Variants in PLA2G4E observed in about 807,000 individuals in gnomAD.
PLA2G4E encodes the protein phospholipase A2 group IVE.
In PLA2G4E, 84 loss-of-function variants were observed where a neutral mutation model predicts 109.1. The ratio of observed to expected loss-of-function variants is 0.77; its 90% CI spans 0.65 to 0.92. PLA2G4E has a LOEUF of 0.92. PLA2G4E is among the 40% of genes least tolerant of loss of function. The probability of loss-of-function intolerance (pLI) is 0.00; values close to 1 mark genes in which losing one functional copy is unlikely to be tolerated. For synonymous variants in PLA2G4E, 469 were observed against 436.1 expected, an observed-to-expected ratio of 1.08 and a Z score of -0.94; for missense variants, 1,057 against 1,076.6, an observed-to-expected ratio of 0.98 and a Z score of 0.25.
At chr15:42,009,419 T>A (rs888697402) in intron 2 of PLA2G4E, among the ~76,000 whole-genome samples, 1 of 152,168 alleles carries the variant, frequency 6.6e-6, no homozygotes, top group Non-Finnish European at 1.5e-5. Context: ...AGGCTTCCCA[T>A]CTCCTGTCTT....
chr15:42,048,350 A>G (rs1372750441), intron 1 of PLA2G4E, among the ~76,000 whole-genome samples: 2 of 152,266 alleles, frequency 1.3e-5, no homozygotes, highest in Non-Finnish European at 2.9e-5. Flanking sequence ...GTTGTTAAGC[A>G]ACACATGACT....
intron 1 of PLA2G4E, among the ~76,000 whole-genome samples, chr15:42,038,231 C>T (rs1375629205): frequency 6.6e-6 from 1 of 152,144 alleles, no homozygotes; most frequent in Admixed American, 6.5e-5. Flanking sequence ...TGGTCCCCAA[C>T]GTTTTGGCAC....
chr15:42,043,973 G>A (rs534583016), intron 1 of PLA2G4E, among the ~76,000 whole-genome samples: 2 of 152,274 alleles, frequency 1.3e-5, no homozygotes, highest in East Asian at 1.9e-4. Flanking sequence ...AGAACTAACC[G>A]TAAGTGTACT....
chr15:42,006,766 G>A (rs1434987376), intron 3 of PLA2G4E, among the ~76,000 whole-genome samples: 1 of 152,132 alleles, frequency 6.6e-6, no homozygotes, highest in Non-Finnish European at 1.5e-5. Flanking sequence ...AGGATCCTGG[G>A]GGATGTGGGT....
intron 3 of PLA2G4E, among the ~76,000 whole-genome samples, 178 bp downstream of exon 3, chr15:42,007,551 A>T (rs2068488863): frequency 6.6e-6 from 1 of 152,194 alleles, no homozygotes; most frequent in African/African-American, 2.4e-5. Flanking sequence ...AGAGGGGCAA[A>T]CATGAGACAG....
intron 9 of PLA2G4E, 59 bp from the exon 10 acceptor site, chr15:41,999,620 A>G: frequency 6.3e-7 from 1 of 1,590,808 alleles, no homozygotes; most frequent in Non-Finnish European, 8.6e-7. Context: ...AAGTGATCCC[A>G]GATCCACACT....
intron 6 of PLA2G4E, among the ~76,000 whole-genome samples, chr15:42,002,283 AAAAAG>A: frequency 6.6e-6 from 1 of 150,444 alleles, no homozygotes; most frequent in African/African-American, 2.5e-5. Flanking sequence ...AAAAAAAAAA[AAAAAG>A]GTAAACTGTG....
exon 13 of PLA2G4E, chr15:41,992,939 C>G (rs376094640): frequency 6.2e-7 from 1 of 1,612,732 alleles, no homozygotes; most frequent in African/African-American, 1.3e-5. Context: ...GTCAGGGTCA[C>G]GGTACAAGGT....
chr15:42,001,262 G>A, intron 6 of PLA2G4E, 42 bp from the exon 7 acceptor site: 1 of 1,545,042 alleles, frequency 6.5e-7, no homozygotes. Context: ...CTGAGCACCA[G>A]CCACCTCCTT....
chr15:42,026,982 A>G (rs1246599439), intron 1 of PLA2G4E, among the ~76,000 whole-genome samples: 45 of 151,312 alleles, frequency 3.0e-4, no homozygotes, highest in East Asian at 1.4e-3. Context: ...CAAAAAAAAA[A>G]AAAGAAAGAA....
chr15:42,021,175 T>A (rs1279698815), intron 1 of PLA2G4E, among the ~76,000 whole-genome samples, 133 bp from the exon 1 acceptor site: 1 of 151,598 alleles, frequency 6.6e-6, no homozygotes, highest in Non-Finnish European at 1.5e-5. Context: ...TGGGCCTAGA[T>A]CTCTTCATAT....
At chr15:42,040,656 T>C (rs1223335002) in intron 1 of PLA2G4E, among the ~76,000 whole-genome samples, 1 of 152,254 alleles carries the variant, frequency 6.6e-6, no homozygotes, top group Non-Finnish European at 1.5e-5. Context: ...CTAAAATCTC[T>C]TTCACATAAA....
chr15:42,029,027 G>A (rs538812826), intron 1 of PLA2G4E, among the ~76,000 whole-genome samples: 1 of 152,222 alleles, frequency 6.6e-6, no homozygotes, highest in African/African-American at 2.4e-5. Flanking sequence ...AATGTATCTG[G>A]CTCATGAATA....
At chr15:42,029,779 A>C (rs1043407553) in intron 1 of PLA2G4E, among the ~76,000 whole-genome samples, 4 of 152,200 alleles carry the variant, frequency 2.6e-5, no homozygotes, top group African/African-American at 9.7e-5. Flanking sequence ...GTCCAGAATA[A>C]ATGAGGTAAA....
intron 1 of PLA2G4E, among the ~76,000 whole-genome samples, chr15:42,027,645 G>A (rs1370972286): frequency 2.0e-5 from 3 of 152,268 alleles, no homozygotes; most frequent in East Asian, 1.9e-4. Context: ...CACTTCTGGC[G>A]GCTGACTTCA....
intron 1 of PLA2G4E, among the ~76,000 whole-genome samples, chr15:42,016,911 G>T (rs1005338399): frequency 1.3e-5 from 2 of 152,372 alleles, no homozygotes; most frequent in African/African-American, 4.8e-5. Context: ...TTCTGATGCT[G>T]GAGACACAGC....
At chr15:42,033,133 T>A (rs1889144256) in intron 1 of PLA2G4E, among the ~76,000 whole-genome samples, 1 of 152,092 alleles carries the variant, frequency 6.6e-6, no homozygotes, top group African/African-American at 2.4e-5. Context: ...GAGCGGACGC[T>A]TATGTGTTCT....
intron 14 of PLA2G4E, 104 bp from the exon 15 acceptor site, chr15:41,989,656 C>T: frequency 1.4e-6 from 2 of 1,449,120 alleles, no homozygotes; most frequent in South Asian, 1.4e-5. Flanking sequence ...CCTTGGAAAG[C>T]CTGGGACAGG....
chr15:42,012,857 G>A (rs1452378741), intron 2 of PLA2G4E, among the ~76,000 whole-genome samples: 1 of 152,234 alleles, frequency 6.6e-6, no homozygotes, highest in African/African-American at 2.4e-5. Flanking sequence ...GGTTACCGGT[G>A]AGCAGGGATG....
Sources: gnomAD v4.1 joint callset for allele counts (sites outside exome capture counted in the v4.1 genomes callset) on GRCh38, gnomAD v4.1.1 for gene constraint, MANE v1.5 for transcripts, NCBI Gene and HGNC (gene_info 2026-07-23, HGNC 2026-07-21) for gene names.